The following TCF4 variants were observed in gnomAD, a reference collection of about 807,000 sequenced individuals.
TCF4 encodes SL3-3 enhancer factor 2.
TCF4 carries 3 observed loss-of-function variants against 82.1 expected under a neutral mutation model. The ratio of observed to expected loss-of-function variants is 0.04; its 90% confidence interval spans 0.02 to 0.09. TCF4 has a LOEUF of 0.09. TCF4 is among the 10% of genes least tolerant of loss of function. TCF4 has a pLI of 1.00. For synonymous variants in TCF4, 276 were observed against 309.6 expected (o/e 0.89, Z 1.14); for missense variants, 518 against 852.7 (o/e 0.61, Z 4.89).
chr18:55,302,467 G>C (rs773306550), intron 8 of TCF4: 30 of 1,536,060 alleles, frequency 2.0e-5, no homozygotes, highest in Middle Eastern at 1.7e-4. Context: ...CTGAGCATCT[G>C]CATTGTTTAA....
chr18:55,270,806 G>C (rs1037363926), intron 10 of TCF4, among the ~76,000 whole-genome samples: 2 of 152,028 alleles, frequency 1.3e-5, no homozygotes, highest in African/African-American at 2.4e-5. Context: ...GGAATGAACA[G>C]CTCACTAAAA....
intron 5 of TCF4, chr18:55,422,205 C>G (rs1355764282): frequency 1.0e-6 from 1 of 981,778 alleles, no homozygotes; most frequent in Non-Finnish European, 1.2e-6. Flanking sequence ...ATGGGTAGCA[C>G]GCCGAGGGAG....
intron 5 of TCF4, among the ~76,000 whole-genome samples, chr18:55,424,710 A>G (rs1007739670): frequency 6.6e-6 from 1 of 152,192 alleles, no homozygotes; most frequent in African/African-American, 2.4e-5. Context: ...TATTGATCCA[A>G]TGAATTATTT....
At chr18:55,236,220 T>C (rs771377384) in intron 15 of TCF4, among the ~76,000 whole-genome samples, 3 of 152,102 alleles carry the variant, frequency 2.0e-5, no homozygotes, top group Non-Finnish European at 4.4e-5. Flanking sequence ...GAAGTATAAA[T>C]GAATGTTTCA....
At chr18:55,304,291 C>T (rs764629526) in intron 8 of TCF4, among the ~76,000 whole-genome samples, 4 of 151,968 alleles carry the variant, frequency 2.6e-5, no homozygotes, top group Non-Finnish European at 5.9e-5. Context: ...CACCAGAAAA[C>T]ATAAACAAAA....
intron 6 of TCF4, among the ~76,000 whole-genome samples, chr18:55,353,856 T>C (rs2144896068): frequency 6.6e-6 from 1 of 152,294 alleles, no homozygotes; most frequent in Non-Finnish European, 1.5e-5. Context: ...TGAAGACAAG[T>C]TTCTGCTTAA....
chr18:55,331,146 A>T (rs1395618004), intron 8 of TCF4, among the ~76,000 whole-genome samples: 1 of 152,060 alleles, frequency 6.6e-6, no homozygotes, highest in Admixed American at 6.5e-5. Context: ...AAGCTGCTAG[A>T]CAGAAGCTCA....
chr18:55,457,572 G>C (rs534979501), intron 5 of TCF4, among the ~76,000 whole-genome samples: 1 of 152,046 alleles, frequency 6.6e-6, no homozygotes, highest in Non-Finnish European at 1.5e-5. Context: ...TGCAACCTCC[G>C]CCCCCTGAGC....
intron 6 of TCF4, among the ~76,000 whole-genome samples, chr18:55,354,194 A>G (rs1044098317): frequency 1.3e-5 from 2 of 152,132 alleles, no homozygotes; most frequent in Non-Finnish European, 2.9e-5. Context: ...AATAAAACAC[A>G]CTGACTTTAT....
intron 2 of TCF4, among the ~76,000 whole-genome samples, chr18:55,612,637 T>G (rs1336343952): frequency 6.6e-6 from 1 of 152,020 alleles, no homozygotes; most frequent in East Asian, 1.9e-4. Context: ...TTGTATACAT[T>G]TAGGAGGTAC....
chr18:55,262,122 G>C (rs1241727764), intron 11 of TCF4, among the ~76,000 whole-genome samples: 2 of 152,142 alleles, frequency 1.3e-5, no homozygotes, highest in African/African-American at 2.4e-5. Context: ...ACTAAAAAAA[G>C]TGAACTGGTA....
intron 11 of TCF4, among the ~76,000 whole-genome samples, chr18:55,262,276 A>G (rs1337009826): frequency 1.3e-5 from 2 of 152,208 alleles, no homozygotes; most frequent in East Asian, 1.9e-4. Flanking sequence ...TAAAAGACAT[A>G]TATTACAGTA....
At chr18:55,481,943 G>A (rs966281536) in intron 3 of TCF4, among the ~76,000 whole-genome samples, 1 of 152,168 alleles carries the variant, frequency 6.6e-6, no homozygotes, top group African/African-American at 2.4e-5. Flanking sequence ...GCAAGTATGG[G>A]TTTAGAAAGA....
intron 3 of TCF4, among the ~76,000 whole-genome samples, chr18:55,566,126 T>C (rs1391203786): frequency 6.6e-6 from 1 of 151,420 alleles, no homozygotes; most frequent in Non-Finnish European, 1.5e-5. Context: ...GGCAGGAGAA[T>C]GGTGTGAACC....
At chr18:55,248,906 G>A (rs945430067) in intron 15 of TCF4, among the ~76,000 whole-genome samples, 6 of 152,094 alleles carry the variant, frequency 3.9e-5, no homozygotes, top group Admixed American at 2.6e-4. Context: ...CACCATGCCC[G>A]GCTAATTTTT....
At chr18:55,560,195 C>G (rs2097342798) in intron 3 of TCF4, among the ~76,000 whole-genome samples, 1 of 152,110 alleles carries the variant, frequency 6.6e-6, no homozygotes, top group Admixed American at 6.6e-5. Context: ...TTATTCCAAA[C>G]AAATGACCCA....
At chr18:55,539,313 C>G (rs1412248852) in intron 3 of TCF4, among the ~76,000 whole-genome samples, 1 of 152,294 alleles carries the variant, frequency 6.6e-6, no homozygotes, top group Non-Finnish European at 1.5e-5. Flanking sequence ...GGCCAGAAAA[C>G]ATGTCTGGCA....
At chr18:55,568,631 A>G (rs1355972183) in intron 3 of TCF4, among the ~76,000 whole-genome samples, 2 of 152,050 alleles carry the variant, frequency 1.3e-5, no homozygotes, top group African/African-American at 2.4e-5. Context: ...GTGGCTTAAA[A>G]TCTTCTTATA....
At chr18:55,297,920 T>C (rs2067024885) in intron 8 of TCF4, among the ~76,000 whole-genome samples, 1 of 152,220 alleles carries the variant, frequency 6.6e-6, no homozygotes, top group African/African-American at 2.4e-5. Context: ...AGGGCTTTTA[T>C]CTTTTAACAT....
Sources: gnomAD v4.1 joint callset for allele counts (sites outside exome capture counted in the v4.1 genomes callset) on GRCh38, gnomAD v4.1.1 for gene constraint, MANE v1.5 for transcripts, NCBI Gene and HGNC (gene_info 2026-07-23, HGNC 2026-07-21) for gene names.